The following COBLL1 variants were observed in gnomAD, a reference collection of about 807,000 sequenced individuals.
COBLL1 encodes the protein cordon-bleu WH2 repeat protein like 1, also known as cordon-bleu protein-like 1.
Under a neutral mutation model 94.8 loss-of-function variants are expected in COBLL1, and 50 were observed. That is an observed-to-expected ratio of 0.53 (90% CI 0.42 to 0.67). The LOEUF (loss-of-function observed/expected upper bound fraction) is 0.67, where lower values mean the gene tolerates loss of function less well. COBLL1 is among the 30% of genes least tolerant of loss of function. The pLI, the probability that COBLL1 is intolerant of heterozygous loss-of-function variation, is 0.00. For missense variants in COBLL1, 1,362 were observed against 1,348.7 expected, an observed-to-expected ratio of 1.01 and a Z score of -0.15; for synonymous variants, 448 against 473.8, an observed-to-expected ratio of 0.95 and a Z score of 0.71.
chr2:164,814,715 A>G (rs1410259736), intron 2 of COBLL1, among the ~76,000 whole-genome samples: 1 of 152,198 alleles, frequency 6.6e-6, no homozygotes, highest in Non-Finnish European at 1.5e-5. Flanking sequence ...TGCCTATATC[A>G]TATAAAGAAA....
chr2:164,789,758 G>C lies in COBLL1; in HGVS notation c.42-45883C>G, dbSNP rs767978245. 2.9e-4 allele frequency among the ~76,000 whole-genome samples: 44 copies of C among 152,194 alleles called. 1 individual carries two copies. Among genetic ancestry groups the C allele is most frequent in the Non-Finnish European group, 1.5e-5 (1 of 68,034 alleles). On this transcript the variant is annotated intron_variant, in intron 2 of 13. Transcript: ENST00000652658. ...TCATATCAAAACTTAGATGGTAATT[G>C]CAGACATTCTCTCTGCTGTTACCCC...
intron 3 of COBLL1, chr2:164,738,155 T>C (rs1368815811): frequency 1.3e-5 from 2 of 152,236 alleles, no homozygotes; most frequent in South Asian, 2.1e-4. Context: ...CTGTTATAAA[T>C]GGTGCTTATT....
At chr2:164,733,128 G>A (rs942257949) in intron 3 of COBLL1, among the ~76,000 whole-genome samples, 3 of 152,132 alleles carry the variant, frequency 2.0e-5, no homozygotes, top group African/African-American at 7.2e-5. Flanking sequence ...CTATTTTTGT[G>A]CCATAATTTT....
chr2:164,765,110 A>C (rs1268215218), intron 2 of COBLL1, among the ~76,000 whole-genome samples: 1 of 152,220 alleles, frequency 6.6e-6, no homozygotes, highest in African/African-American at 2.4e-5. Context: ...AACTGGGAAC[A>C]TAATAAATGG....
chr2:164,796,129 C>G (rs1046865823), intron 2 of COBLL1, among the ~76,000 whole-genome samples: 3 of 152,062 alleles, frequency 2.0e-5, no homozygotes, highest in Admixed American at 2.0e-4. Context: ...AAGAAGAAAC[C>G]AGAAAGATTC....
chr2:164,670,315 T>C (rs1454969933), intron 1 of COBLL1, among the ~76,000 whole-genome samples: 3 of 152,214 alleles, frequency 2.0e-5, no homozygotes, highest in African/African-American at 4.8e-5. Context: ...TTATCAGTGG[T>C]TGTTTCTGGA....
chr2:164,663,180 A>G (rs1276774841), intron 2 of COBLL1, among the ~76,000 whole-genome samples: 1 of 152,210 alleles, frequency 6.6e-6, no homozygotes, highest in Non-Finnish European at 1.5e-5. Flanking sequence ...CAACCTGCAC[A>G]TTTAAATTTC....
chr2:164,667,725 G>T (rs1013467193), intron 1 of COBLL1, among the ~76,000 whole-genome samples: 1 of 152,190 alleles, frequency 6.6e-6, no homozygotes, highest in African/African-American at 2.4e-5. Context: ...ATTGACGAGA[G>T]AGTTAGGATG....
At chr2:164,719,612 G>A (rs560016332) in intron 7 of COBLL1, among the ~76,000 whole-genome samples, 1 of 152,198 alleles carries the variant, frequency 6.6e-6, no homozygotes, top group African/African-American at 2.4e-5. Context: ...GTGTCTCTCT[G>A]CCTGTGTGTC....
At chr2:164,756,102 A>AGG (rs1387559491) in intron 2 of COBLL1, among the ~76,000 whole-genome samples, 1 of 151,912 alleles carries the variant, frequency 6.6e-6, no homozygotes, top group African/African-American at 2.4e-5. Flanking sequence ...AGAGAGAGAG[A>AGG]GAGAGCAAGA....
intron 2 of COBLL1, among the ~76,000 whole-genome samples, chr2:164,664,551 T>C (rs1691123467): frequency 6.6e-6 from 1 of 152,168 alleles, no homozygotes; most frequent in African/African-American, 2.4e-5. Context: ...AATCAATCAT[T>C]GCAGACAAAG....
upstream of COBLL1, chr2:164,841,972 T>C (rs1038239768): frequency 1.3e-6 from 2 of 1,539,246 alleles, no homozygotes; most frequent in Admixed American, 3.9e-5. The surrounding 1 kb of genome is among the most constrained non-coding windows in gnomAD (Gnocchi z 5.5). Context: ...CCCATTTCCC[T>C]GCCCGGAGTC....
At chr2:164,769,587 G>A (rs749067999) in intron 2 of COBLL1, among the ~76,000 whole-genome samples, 4 of 152,118 alleles carry the variant, frequency 2.6e-5, no homozygotes, top group Non-Finnish European at 4.4e-5. Context: ...GGATGGATGC[G>A]GTGGCTCACG....
intron 2 of COBLL1, among the ~76,000 whole-genome samples, chr2:164,805,619 G>A (rs892498912): frequency 6.6e-6 from 1 of 151,638 alleles, no homozygotes; most frequent in Non-Finnish European, 1.5e-5. Context: ...CTTTCACTGA[G>A]TAATATGCAT....
intron 2 of COBLL1, among the ~76,000 whole-genome samples, chr2:164,754,008 C>T (rs1242852972): frequency 6.6e-6 from 1 of 152,072 alleles, no homozygotes; most frequent in African/African-American, 2.4e-5. Context: ...GCTGAAGTTA[C>T]AGGTGTGAGC....
chr2:164,752,234 G>T (rs1313309998), intron 2 of COBLL1, among the ~76,000 whole-genome samples: 2 of 152,136 alleles, frequency 1.3e-5, no homozygotes, highest in Non-Finnish European at 2.9e-5. Context: ...TACACTATAT[G>T]AAGCAAGTGC....
At chr2:164,721,959 C>A in intron 7 of COBLL1, 116 bp downstream of exon 7, 2 of 683,748 alleles carry the variant, frequency 2.9e-6, no homozygotes, top group Middle Eastern at 2.8e-4. Context: ...TACTAATTAC[C>A]AACTGTTATA....
intron 2 of COBLL1, among the ~76,000 whole-genome samples, chr2:164,802,153 A>T (rs911023128): frequency 3.3e-5 from 5 of 152,364 alleles, no homozygotes; most frequent in Non-Finnish European, 7.3e-5. Flanking sequence ...ATTAAGATTC[A>T]TAAATAATTG....
intron 5 of COBLL1, chr2:164,724,183 T>C (rs1161661564): frequency 6.6e-6 from 1 of 152,178 alleles, no homozygotes; most frequent in East Asian, 1.9e-4. Flanking sequence ...TTGACTGCAA[T>C]AGACTTTCAC....
Sources: gnomAD v4.1 joint callset for allele counts (sites outside exome capture counted in the v4.1 genomes callset) on GRCh38, gnomAD v4.1.1 for gene constraint, Gnocchi (gnomAD v3.1) non-coding constraint, MANE v1.5 for transcripts, NCBI Gene and HGNC (gene_info 2026-07-23, HGNC 2026-07-21) for gene names.